DAP3: variants seen among roughly 807,000 people sequenced by gnomAD.
DAP3 encodes the protein death associated protein 3, also known as small ribosomal subunit protein mS29.
DAP3 carries 28 observed loss-of-function variants against 51.9 expected under a neutral mutation model. The observed-to-expected ratio is 0.54, with a 90% CI of 0.40 to 0.74. The LOEUF is 0.74. Among genes scored for constraint, DAP3 ranks in the 30% least tolerant of loss-of-function variants. The pLI is 0.00. For synonymous variants in DAP3, 170 were observed against 170.3 expected (o/e 1.00, Z 0.01); for missense variants, 458 against 483.5 (o/e 0.95, Z 0.49).
intron 1 of DAP3, among the ~76,000 whole-genome samples, chr1:155,697,445 TA>T (rs1413973518): frequency 6.6e-6 from 1 of 151,962 alleles, no homozygotes; most frequent in Non-Finnish European, 1.5e-5. Flanking sequence ...GTCTGAGAAA[TA>T]AAGAGAAAGA....
chr1:155,702,784 G>T (rs1655472222), intron 1 of DAP3, among the ~76,000 whole-genome samples: 1 of 152,116 alleles, frequency 6.6e-6, no homozygotes, highest in South Asian at 2.1e-4. Flanking sequence ...GCCTGGCCAA[G>T]ATGGCGAAAC....
At chr1:155,706,202 T>G (rs1655946859) in intron 1 of DAP3, among the ~76,000 whole-genome samples, 1 of 152,086 alleles carries the variant, frequency 6.6e-6, no homozygotes, top group African/African-American at 2.4e-5. Context: ...ATTGGCGGTC[T>G]TACTATGTAC....
At chr1:155,728,398 C>T (rs938324822) in intron 7 of DAP3, among the ~76,000 whole-genome samples, 4 of 151,806 alleles carry the variant, frequency 2.6e-5, no homozygotes, top group African/African-American at 9.7e-5. Context: ...CCCATCTCTA[C>T]TAAAAATACA....
At position 155,729,302 on chromosome 1, in the gene DAP3, T is replaced by G; in HGVS notation, c.779T>G (p.Val260Gly). The change falls in exon 9 of 13, where the codon GTG (valine) becomes GGG (glycine). Residue 260 changes from valine (V) to glycine (G), a missense_variant. Val to Gly is a moderately radical substitution (Grantham distance 109). Coordinates refer to ENST00000368336, the MANE Select transcript of DAP3 (RefSeq NM_004632.4). ...QSSLGMFHLL[V>G]AVDGINALWG... Reference sequence around the variant, plus strand: ...TCTTTGGGTATGTTTCACCTCCTAGTGGCCGTGGATGGAATCAATGCTCTT... The same window carrying G: ...TCTTTGGGTATGTTTCACCTCCTAGGGGCCGTGGATGGAATCAATGCTCTT... 6.2e-7 allele frequency: 1 copy of G among 1,614,154 alleles called. No individual in the cohort carries two copies. The highest frequency in any genetic ancestry group is 8.5e-7 in the Non-Finnish European group (1 of 1,180,036).
intron 6 of DAP3, among the ~76,000 whole-genome samples, chr1:155,727,279 T>A (rs1658709613): frequency 6.6e-6 from 1 of 151,862 alleles, no homozygotes; most frequent in African/African-American, 2.4e-5. Flanking sequence ...ATACACTTGG[T>A]ATGTTTTATA....
intron 1 of DAP3, among the ~76,000 whole-genome samples, chr1:155,709,294 C>T (rs1353693995): frequency 6.6e-6 from 1 of 152,058 alleles, no homozygotes; most frequent in Admixed American, 6.6e-5. Context: ...TACAGGCATG[C>T]ACTACCATGC....
intron 1 of DAP3, among the ~76,000 whole-genome samples, chr1:155,692,455 C>T (rs1209366284): frequency 7.1e-6 from 1 of 141,718 alleles, no homozygotes; most frequent in African/African-American, 3.2e-5. Flanking sequence ...GAGGCATCTT[C>T]CGCATCTGCA....
intron 4 of DAP3, 67 bp from the exon 5 acceptor site, chr1:155,725,315 A>C: frequency 1.9e-5 from 26 of 1,359,200 alleles, no homozygotes; most frequent in Non-Finnish European, 2.5e-5. Flanking sequence ...TAGGCAGAGT[A>C]TATATACCAC....
chr1:155,689,690 GATGACAAGGTGA>G (rs1653418636), intron 1 of DAP3: 1 of 323,704 alleles, frequency 3.1e-6, no homozygotes. Context: ...GAGGCAGGTG[GATGACAAGGTGA>G]AGAGATCGAG....
chr1:155,687,960 G>GCT (rs1187191051), upstream of DAP3: 10 of 1,241,446 alleles, frequency 8.1e-6, no homozygotes, highest in African/African-American at 1.5e-5. Context: ...CTTCACCACT[G>GCT]CTCTCCCAGA....
At chr1:155,719,572 G>A (rs575162673) in intron 3 of DAP3, among the ~76,000 whole-genome samples, 2 of 148,636 alleles carry the variant, frequency 1.3e-5, no homozygotes, top group Non-Finnish European at 3.0e-5. Context: ...TTTTTTAGAC[G>A]GAGCCTTGCT....
intron 1 of DAP3, among the ~76,000 whole-genome samples, chr1:155,696,892 A>G (rs1558335293): frequency 6.6e-6 from 1 of 152,234 alleles, no homozygotes; most frequent in Non-Finnish European, 1.5e-5. Flanking sequence ...TTTTAAATCT[A>G]TAATAACAAG....
chr1:155,727,394 T>C, intron 6 of DAP3: 1 of 350,626 alleles, frequency 2.9e-6, no homozygotes, highest in Non-Finnish European at 4.8e-6. Context: ...TGCCTGAGCC[T>C]AGGAGTTCAA....
intron 1 of DAP3, among the ~76,000 whole-genome samples, chr1:155,693,613 G>T (rs138691193): frequency 7.0e-6 from 1 of 142,036 alleles, no homozygotes; most frequent in Non-Finnish European, 1.5e-5. Flanking sequence ...CCCCTTAGGG[G>T]ACCAATCAGT....
intron 10 of DAP3, 35 bp downstream of exon 10, chr1:155,731,450 G>T (rs1286401769): frequency 5.0e-6 from 8 of 1,591,796 alleles, no homozygotes; most frequent in Non-Finnish European, 6.0e-6. Context: ...ATTTCAGAAA[G>T]AAATGTATTA....
intron 7 of DAP3, 98 bp from the exon 8 acceptor site, chr1:155,728,944 C>A: frequency 9.1e-7 from 1 of 1,097,664 alleles, no homozygotes; most frequent in Non-Finnish European, 1.3e-6. Flanking sequence ...TTAAAATGAA[C>A]TCCTGTTAAC....
Position 155,709,765 on chromosome 1 carries a change from T to G in DAP3, c.-7-8T>G, listed in dbSNP as rs1656464928. 1.9e-6 allele frequency: 3 copies of G among 1,603,678 alleles called. No individual in the cohort carries two copies. The highest frequency in any genetic ancestry group is 2.2e-5 in the East Asian group (1 of 44,782). On this transcript the variant is annotated splice_region_variant and splice_polypyrimidine_tract_variant and intron_variant, in intron 1 of 12. Coordinates refer to ENST00000368336, the MANE Select transcript of DAP3 (RefSeq NM_004632.4). ...TTTACCTTTTCACTTTTTTTTTTTT[T>G]GTAACAGTGCAAGGATGATGCTGAA...
upstream of DAP3, chr1:155,688,452 C>G: frequency 6.5e-7 from 1 of 1,549,048 alleles, no homozygotes; most frequent in Non-Finnish European, 8.7e-7. Flanking sequence ...CCGCTTCGCC[C>G]GACTCCGGCC....
intron 1 of DAP3, among the ~76,000 whole-genome samples, chr1:155,709,310 TA>T (rs968319783): frequency 2.6e-5 from 4 of 152,152 alleles, no homozygotes; most frequent in African/African-American, 9.7e-5. Flanking sequence ...CATGCCCTGC[TA>T]ATTTTTATAT....
Sources: allele counts gnomAD v4.1 joint callset (sites outside exome capture counted in the v4.1 genomes callset), GRCh38; gene constraint gnomAD v4.1.1; transcripts MANE v1.5; gene names NCBI Gene and HGNC (gene_info 2026-07-23, HGNC 2026-07-21).